The following LDB2 variants were observed in gnomAD, a reference collection of about 807,000 sequenced individuals.
LDB2 encodes the protein LIM domain-binding protein 2.
In LDB2, 12 loss-of-function variants were observed where a neutral mutation model predicts 44.3. That is an observed-to-expected ratio of 0.27 (90% confidence interval 0.17 to 0.44). The LOEUF (loss-of-function observed/expected upper bound fraction) is 0.44. Ranked by LOEUF, LDB2 falls within the 20% of genes least tolerant of loss-of-function variation. The pLI is 1.00. For missense variants in LDB2, 344 were observed against 473.5 expected, an observed-to-expected ratio of 0.73 and a Z score of 2.54; for synonymous variants, 164 against 174.8, an observed-to-expected ratio of 0.94 and a Z score of 0.49.
intron 2 of LDB2, among the ~76,000 whole-genome samples, chr4:16,621,703 C>G (rs1313699380): frequency 1.3e-5 from 2 of 152,090 alleles, no homozygotes; most frequent in Non-Finnish European, 2.9e-5. Flanking sequence ...CAGACCTGCA[C>G]CACCACCCCA....
At chr4:16,507,016 A>G (rs193117023) in intron 7 of LDB2, 1 of 152,030 alleles carries the variant, frequency 6.6e-6, no homozygotes. Flanking sequence ...AAATCAGGCC[A>G]TTTTCTCTAT....
intron 5 of LDB2, among the ~76,000 whole-genome samples, chr4:16,564,944 A>C (rs1054851851): frequency 6.6e-6 from 1 of 152,250 alleles, no homozygotes; most frequent in Non-Finnish European, 1.5e-5. Flanking sequence ...CAATGACATC[A>C]TATAAGAGGG....
chr4:16,619,528 C>T (rs1347081898), intron 2 of LDB2, among the ~76,000 whole-genome samples: 1 of 152,204 alleles, frequency 6.6e-6, no homozygotes, highest in Non-Finnish European at 1.5e-5. Context: ...CGTTGGAGCA[C>T]TGAGCTTTAC....
intron 2 of LDB2, among the ~76,000 whole-genome samples, chr4:16,740,694 T>G (rs1418673490): frequency 2.0e-5 from 3 of 152,270 alleles, no homozygotes; most frequent in Non-Finnish European, 1.5e-5. Flanking sequence ...ATCTAATTCA[T>G]GTATATGAAT....
At position 16,657,615 on chromosome 4, in the gene LDB2, C is replaced by G. The variant is rs368691264; in HGVS notation, c.236-61740G>C. ...TGACCACTGTTGTCATATCTAATCA[C>G]TTTTTTCACTCTCTCCCCACAACTG... On this transcript the variant is annotated intron_variant, in intron 2 of 7. Coordinates refer to ENST00000304523, the MANE Select transcript of LDB2 (RefSeq NM_001290.5). 3.3e-5 allele frequency among the ~76,000 whole-genome samples: 5 copies of G among 152,188 alleles called. No homozygotes were observed. In the East Asian group the frequency reaches 7.7e-4, roughly 23 times the overall value.
chr4:16,730,174 T>C (rs1760438146), intron 2 of LDB2, among the ~76,000 whole-genome samples: 1 of 152,200 alleles, frequency 6.6e-6, no homozygotes, highest in African/African-American at 2.4e-5. Flanking sequence ...TTAGCTTTTC[T>C]CGTGATTTCT....
chr4:16,754,142 C>A (rs1298713741), intron 2 of LDB2, among the ~76,000 whole-genome samples: 1 of 152,236 alleles, frequency 6.6e-6, no homozygotes, highest in Non-Finnish European at 1.5e-5. Context: ...GTTCTGGAGT[C>A]TTCTGCCCCA....
At chr4:16,627,436 T>C (rs1730572404) in intron 2 of LDB2, among the ~76,000 whole-genome samples, 1 of 152,180 alleles carries the variant, frequency 6.6e-6, no homozygotes, top group Non-Finnish European at 1.5e-5. Context: ...TGTGGGGAGC[T>C]CACTCTACCT....
chr4:16,885,715 C>T (rs1430922605), intron 1 of LDB2, among the ~76,000 whole-genome samples: 2 of 152,086 alleles, frequency 1.3e-5, no homozygotes, highest in African/African-American at 2.4e-5. Flanking sequence ...TGAAAGATTA[C>T]GTGCTCGCTG....
chr4:16,798,632 A>G (rs964113314), intron 1 of LDB2, among the ~76,000 whole-genome samples: 1 of 152,150 alleles, frequency 6.6e-6, no homozygotes, highest in African/African-American at 2.4e-5. Context: ...CACATCTCCT[A>G]AAGGCCAGTA....
chr4:16,851,965 C>T (rs1165844724), intron 1 of LDB2, among the ~76,000 whole-genome samples: 2 of 152,166 alleles, frequency 1.3e-5, no homozygotes, highest in Non-Finnish European at 2.9e-5. Flanking sequence ...GTTCTTCTGC[C>T]TACTCTGTTA....
chr4:16,813,109 G>A (rs562862221), intron 1 of LDB2, among the ~76,000 whole-genome samples: 4 of 151,864 alleles, frequency 2.6e-5, no homozygotes, highest in African/African-American at 4.8e-5. Flanking sequence ...AGCAATTCTC[G>A]TGCCTCAACC....
intron 5 of LDB2, among the ~76,000 whole-genome samples, chr4:16,520,653 G>C (rs1437477687): frequency 1.3e-5 from 2 of 152,164 alleles, no homozygotes; most frequent in African/African-American, 4.8e-5. Context: ...GAGGAGAGTG[G>C]CGGCAGCTGT....
chr4:16,578,696 C>G (rs1712916830), intron 5 of LDB2, among the ~76,000 whole-genome samples: 1 of 152,130 alleles, frequency 6.6e-6, no homozygotes, highest in South Asian at 2.1e-4. Flanking sequence ...AACTCCATTC[C>G]TAAGTACCCA....
chr4:16,625,167 C>T (rs1729948018), intron 2 of LDB2, among the ~76,000 whole-genome samples: 1 of 152,172 alleles, frequency 6.6e-6, no homozygotes, highest in Admixed American at 6.5e-5. Context: ...CTCTAAGTCC[C>T]TGCAGCCCAC....
intron 2 of LDB2, among the ~76,000 whole-genome samples, chr4:16,611,844 C>T (rs13128734): frequency 0.34 from 51,222 of 151,906 alleles, 8,995 homozygotes; most frequent in East Asian, 0.57. Context: ...GACTTTTACT[C>T]GGCTCTGTAT....
intron 1 of LDB2, among the ~76,000 whole-genome samples, chr4:16,792,773 A>C (rs866803858): frequency 6.6e-6 from 1 of 152,240 alleles, no homozygotes; most frequent in Non-Finnish European, 1.5e-5. Flanking sequence ...ACTTACAGGC[A>C]GGAATTATGA....
chr4:16,640,523 C>T (rs1021460619), intron 2 of LDB2, among the ~76,000 whole-genome samples: 4 of 152,128 alleles, frequency 2.6e-5, no homozygotes, highest in Non-Finnish European at 5.9e-5. Flanking sequence ...TTCTCAGATC[C>T]ATGGGGTGAA....
chr4:16,668,433 G>T (rs1743886016), intron 2 of LDB2, among the ~76,000 whole-genome samples: 1 of 152,152 alleles, frequency 6.6e-6, no homozygotes. Context: ...TTCAAATCCT[G>T]CTGTCTCCCA....
Sources: gnomAD v4.1 joint callset for allele counts (sites outside exome capture counted in the v4.1 genomes callset) on GRCh38, gnomAD v4.1.1 for gene constraint, MANE v1.5 for transcripts, NCBI Gene and HGNC (gene_info 2026-07-23, HGNC 2026-07-21) for gene names.